WWOX: variants seen among roughly 807,000 people sequenced by gnomAD.
WWOX encodes the protein WW domain containing oxidoreductase.
Under a neutral mutation model 46.2 loss-of-function variants are expected in WWOX, and 69 were observed. The ratio of observed to expected loss-of-function variants is 1.49; its 90% confidence interval spans 1.23 to 1.82. The LOEUF is 1.82. Among genes scored for constraint, WWOX ranks in the 40% most tolerant of loss-of-function variants. The probability of loss-of-function intolerance (pLI) is 0.00; values close to 1 mark genes in which losing one functional copy is unlikely to be tolerated. For missense variants in WWOX, 919 were observed against 542.6 expected (o/e 1.69, Z -6.89); for synonymous variants, 359 against 202.6 (o/e 1.77, Z -6.56).
At chr16:78,876,489 G>C (rs2044236928) in intron 8 of WWOX, among the ~76,000 whole-genome samples, 1 of 150,028 alleles carries the variant, frequency 6.7e-6, no homozygotes, top group South Asian at 2.1e-4. Flanking sequence ...TTTTTTTAAA[G>C]GAGTTTCAAG....
At chr16:78,870,935 C>G (rs895100762) in intron 8 of WWOX, among the ~76,000 whole-genome samples, 1 of 152,130 alleles carries the variant, frequency 6.6e-6, no homozygotes, top group Non-Finnish European at 1.5e-5. Flanking sequence ...CTGAAACTGT[C>G]TGCCTGATTC....
Position 78,383,958 on chromosome 16 carries a change from C to T in WWOX, c.517-2902C>T, listed in dbSNP as rs546187781. Among the ~76,000 whole-genome samples the T allele has an allele frequency of 5.3e-4, 81 of 152,174 alleles. 1 individual carries two copies. In the South Asian group the frequency reaches 0.016, roughly 30 times the overall value. On this transcript the variant is annotated intron_variant, in intron 5 of 8. Coordinates refer to ENST00000566780, the MANE Select transcript of WWOX (RefSeq NM_016373.4). Reference sequence around the variant, plus strand: ...TCTTATTGATAGTGGCAGCTCTGTGCTTTATTTTGAAGGGAAGCAGGGGAA... The same window carrying T: ...TCTTATTGATAGTGGCAGCTCTGTGTTTTATTTTGAAGGGAAGCAGGGGAA...
At chr16:79,148,933 G>C (rs1030132635) in intron 8 of WWOX, among the ~76,000 whole-genome samples, 1 of 151,906 alleles carries the variant, frequency 6.6e-6, no homozygotes, top group Admixed American at 6.6e-5. Context: ...GTATTTGTTA[G>C]TTTTTTTGAG....
intron 8 of WWOX, among the ~76,000 whole-genome samples, chr16:78,674,380 G>A (rs564792210): frequency 6.6e-6 from 1 of 150,996 alleles, no homozygotes; most frequent in South Asian, 2.1e-4. Flanking sequence ...TCCCTTCCAA[G>A]TTCAAGCAAT....
At chr16:79,048,325 C>T (rs2048104160) in intron 8 of WWOX, among the ~76,000 whole-genome samples, 1 of 152,100 alleles carries the variant, frequency 6.6e-6, no homozygotes, top group East Asian at 1.9e-4. Flanking sequence ...CCCAGCCCTC[C>T]AGCCCCACAC....
chr16:78,818,660 G>A (rs1289907046), intron 8 of WWOX, among the ~76,000 whole-genome samples: 3 of 152,194 alleles, frequency 2.0e-5, no homozygotes, highest in Non-Finnish European at 2.9e-5. Flanking sequence ...GAGCCTCGTA[G>A]GTCGAGGCTG....
chr16:78,736,108 A>T (rs1213213695), intron 8 of WWOX, among the ~76,000 whole-genome samples: 1 of 152,176 alleles, frequency 6.6e-6, no homozygotes, highest in African/African-American at 2.4e-5. Flanking sequence ...CAAATGTGTG[A>T]CAGGTGAGGA....
At chr16:78,601,495 C>A (rs189127012) in intron 8 of WWOX, among the ~76,000 whole-genome samples, 191 of 151,950 alleles carry the variant, frequency 1.3e-3, no homozygotes, top group African/African-American at 4.4e-3. Flanking sequence ...TCTATTATCT[C>A]CAAGCCATTA....
chr16:78,899,496 C>G (rs2044775479), intron 8 of WWOX: 1 of 152,114 alleles, frequency 6.6e-6, no homozygotes, highest in African/African-American at 2.4e-5. Flanking sequence ...ACAGTGAGTT[C>G]TCCATAAATG....
In WWOX at chr16:78,434,594, A is replaced by G. The variant is rs1361127974; in HGVS notation, c.1056+1842A>G. Among the ~76,000 whole-genome samples the G allele has an allele frequency of 4.6e-5, 7 of 152,090 alleles. No homozygotes were observed. In the South Asian group the frequency reaches 1.2e-3, roughly 27 times the overall value. ...GCTTTAACAAGCCCAGTCAACCATCATTTGTAATCTTTGGGTCTTGAGTCA... is the reference window on the plus strand; with the variant it reads ...GCTTTAACAAGCCCAGTCAACCATCGTTTGTAATCTTTGGGTCTTGAGTCA... On this transcript the variant is annotated intron_variant, in intron 8 of 8. Coordinates refer to ENST00000566780, the MANE Select transcript of WWOX (RefSeq NM_016373.4).
chr16:78,799,254 C>G (rs995614520), intron 8 of WWOX, among the ~76,000 whole-genome samples: 3 of 152,130 alleles, frequency 2.0e-5, no homozygotes, highest in Admixed American at 6.5e-5. Flanking sequence ...GTCTTGCCGT[C>G]TCTTTAACGG....
At chr16:78,101,149 G>C (rs2031752055) in intron 1 of WWOX, among the ~76,000 whole-genome samples, 1 of 151,112 alleles carries the variant, frequency 6.6e-6, no homozygotes. Flanking sequence ...CCGGGTTCAC[G>C]CCATTCTCCT....
intron 5 of WWOX, among the ~76,000 whole-genome samples, chr16:78,219,342 A>G (rs2036818258): frequency 2.0e-5 from 3 of 152,224 alleles, no homozygotes; most frequent in Admixed American, 1.3e-4. Context: ...TAATCTCTGG[A>G]CAATGGAGAA....
chr16:78,801,909 T>G (rs1377620871), intron 8 of WWOX, among the ~76,000 whole-genome samples: 2 of 152,222 alleles, frequency 1.3e-5, no homozygotes, highest in Admixed American at 6.5e-5. Flanking sequence ...TGTGATTTGG[T>G]GTAAATCGCT....
rs747993811 is a variant in WWOX, at chr16:78,652,408, CAAAAAAAAAAAA to C, written c.1056+219668_1056+219679del. On this transcript the variant is annotated intron_variant, in intron 8 of 8. Coordinates refer to ENST00000566780, the MANE Select transcript of WWOX (RefSeq NM_016373.4). ...TGGGTGACAGAGCGAGACTCCGTCT[CAAAAAAAAAAAA>C]AAAAAAAAAAAGAAAAAGAAAAAGG... Among the ~76,000 whole-genome samples, 6 of 107,474 alleles carry C rather than the reference CAAAAAAAAAAAA, an allele frequency of 5.6e-5. No individual in the cohort carries two copies. The South Asian group carries it at 1.2e-3, about 21-fold the overall frequency. 70.5% of individuals were successfully genotyped at this position (107,474 alleles called of 152,430 possible). A position where few individuals can be genotyped will look rare whatever the true frequency, so the allele number is the denominator to read the frequency against.
At chr16:78,536,785 T>C (rs1344933311) in intron 8 of WWOX, among the ~76,000 whole-genome samples, 1 of 152,034 alleles carries the variant, frequency 6.6e-6, no homozygotes, top group Non-Finnish European at 1.5e-5. Context: ...CTAGCTGATG[T>C]GGATTATTTC....
At chr16:78,474,386 C>T (rs892151847) in intron 8 of WWOX, among the ~76,000 whole-genome samples, 2 of 152,156 alleles carry the variant, frequency 1.3e-5, no homozygotes, top group South Asian at 2.1e-4. Flanking sequence ...CTCTCTAAAC[C>T]GATCATCACA....
intron 1 of WWOX, 109 bp from the exon 2 acceptor site, chr16:78,108,314 C>T: frequency 8.8e-7 from 1 of 1,135,902 alleles, no homozygotes. Flanking sequence ...CTTCCCCCTA[C>T]TTCCTTCTTA....
chr16:79,034,170 A>T (rs917444548), intron 8 of WWOX, among the ~76,000 whole-genome samples: 1 of 152,110 alleles, frequency 6.6e-6, no homozygotes, highest in Non-Finnish European at 1.5e-5. Flanking sequence ...TCCATCTATA[A>T]CATTTCCCAC....
Sources: gnomAD v4.1 joint callset for allele counts (sites outside exome capture counted in the v4.1 genomes callset) on GRCh38, gnomAD v4.1.1 for gene constraint, MANE v1.5 for transcripts, NCBI Gene and HGNC (gene_info 2026-07-23, HGNC 2026-07-21) for gene names.